Variants in MYH7B observed in about 807,000 individuals in gnomAD.
MYH7B encodes myosin-7B.
In MYH7B, 205 loss-of-function variants were observed where a neutral mutation model predicts 234.5. The ratio of observed to expected loss-of-function variants is 0.87; its 90% confidence interval spans 0.78 to 0.98. The LOEUF (loss-of-function observed/expected upper bound fraction) is 0.98, where lower values mean the gene tolerates loss of function less well. Among genes scored for constraint, MYH7B ranks in the 50% least tolerant of loss-of-function variants. The pLI, the probability that MYH7B is intolerant of heterozygous loss-of-function variation, is 0.00. For synonymous variants in MYH7B, 1,193 were observed against 1,105.0 expected, an observed-to-expected ratio of 1.08 and a Z score of -1.58; for missense variants, 2,652 against 2,633.4, an observed-to-expected ratio of 1.01 and a Z score of -0.15.
At chr20:34,990,302 C>A in exon 22 of MYH7B, 1 of 1,614,186 alleles carries the variant, frequency 6.2e-7, no homozygotes, top group South Asian at 1.1e-5. Flanking sequence ...GGTGTCCCAG[C>A]TGCACAAGGT....
chr20:34,992,341 G>C (rs8121403), intron 24 of MYH7B, among the ~76,000 whole-genome samples: 2 of 146,908 alleles, frequency 1.4e-5, no homozygotes, highest in South Asian at 2.2e-4. Flanking sequence ...AGCAGAGATC[G>C]TGCCACTGCA....
In MYH7B at chr20:34,978,109, A is replaced by G. The variant is rs1249801166; in HGVS notation, c.91+13A>G. The G allele has an allele frequency of 1.2e-6, 2 of 1,613,706 alleles. No individual in the cohort carries two copies. The highest frequency in any genetic ancestry group is 2.2e-5 in the East Asian group (1 of 44,892). On this transcript the variant is annotated intron_variant, in intron 5 of 44. Transcript: ENST00000262873. ...ATCCCATGGGACGGTAAGTGGAGAC[A>G]GAGGGGGAGGGGTCATAGCCACAGA...
intron 5 of MYH7B, among the ~76,000 whole-genome samples, chr20:34,979,160 C>T (rs2081901500): frequency 6.6e-6 from 1 of 152,162 alleles, no homozygotes; most frequent in Non-Finnish European, 1.5e-5. Context: ...GGAATTGGAA[C>T]CCAACCATTA....
chr20:34,984,547 G>A lies in MYH7B; in HGVS notation c.625-145G>A. The A allele has an allele frequency of 8.4e-6, 6 of 714,776 alleles. No homozygotes were observed. In the South Asian group the frequency reaches 1.0e-4, roughly 12 times the overall value. 44.3% of individuals were successfully genotyped at this position (714,776 alleles called of 1,614,324 possible). A position where few individuals can be genotyped will look rare whatever the true frequency, so the allele number is the denominator to read the frequency against. On this transcript the variant is annotated intron_variant, in intron 10 of 44. Coordinates refer to ENST00000262873, the Ensembl canonical transcript of MYH7B. ...ACAGCTGCAGGAGGGTCAGGCCGAG[G>A]GGCTGAGGGTGGGGGCCATGCATTC...
chr20:34,990,820 C>T lies in MYH7B; in HGVS notation c.2060C>T (p.Thr687Ile), dbSNP rs1377868921. Reference sequence around the variant, plus strand: ...TGCATTGTCCCCAACGAGAACAAAACCCCAGGTAGTCACCCAGGGCTGGCC... The same window carrying T: ...TGCATTGTCCCCAACGAGAACAAAATCCCAGGTAGTCACCCAGGGCTGGCC... Residue 687 changes from threonine to isoleucine, a missense_variant, in exon 23 of 45, where the codon ACC becomes ATC. By Grantham distance (89) the Thr-to-Ile change is moderately conservative. Around this residue, in one of 3 missense-constraint regions of MYH7B, gnomAD observed 2,279 missense variants for 2,211.4 expected, o/e 1.03. Transcript: ENST00000262873. 51 of 1,614,074 alleles carry T rather than the reference C, an allele frequency of 3.2e-5. No homozygotes were observed. The highest frequency in any genetic ancestry group is 4.1e-5 in the Non-Finnish European group (48 of 1,180,022).
intron 27 of MYH7B, among the ~76,000 whole-genome samples, 177 bp downstream of exon 27, chr20:34,994,578 G>A (rs372433127): frequency 3.9e-5 from 6 of 152,260 alleles, no homozygotes; most frequent in Admixed American, 1.3e-4. Flanking sequence ...CGTCTGGCAC[G>A]TTTCCTGGCA....
rs779838971 is a variant in MYH7B at position 34,989,994 on chromosome 20, C to T, written c.1768-20C>T. 7.5e-5 allele frequency: 121 copies of T among 1,613,720 alleles called. No homozygotes were observed. The highest frequency in any genetic ancestry group is 9.7e-5 in the Non-Finnish European group (115 of 1,179,874). ...CTCCAGGTCTCCCACCCGGGCTCAG[C>T]ACCTGACTTGTCTCTCCAGGTGCCT... is the stretch of plus-strand genomic sequence containing the variant. On this transcript the variant is annotated intron_variant, in intron 20 of 44. Transcript: ENST00000262873.
chr20:35,002,333 C>A, exon 45 of MYH7B: 1 of 879,018 alleles, frequency 1.1e-6, no homozygotes, highest in South Asian at 2.5e-5. Context: ...AGCCAGTTTC[C>A]TTCTCATTCT....
At chr20:34,998,694 G>A (rs201840606) in intron 34 of MYH7B, 25 bp from the exon 35 acceptor site, 304 of 1,611,542 alleles carry the variant, frequency 1.9e-4, no homozygotes, top group South Asian at 8.8e-5. Flanking sequence ...CTGCACTAAC[G>A]CTGAGGTCAC....
At position 34,997,464 on chromosome 20, in the gene MYH7B, CG is replaced by C; in HGVS notation, c.3573del (p.His1192ThrfsTer54). The C allele has an allele frequency of 6.7e-7, 1 of 1,502,002 alleles. No individual in the cohort carries two copies. The highest frequency in any genetic ancestry group is 2.6e-5 in the East Asian group (1 of 38,156). 93.0% of individuals were successfully genotyped at this position (1,502,002 alleles called of 1,614,324 possible). On this transcript the variant is annotated frameshift_variant, in exon 32 of 45. Transcript: ENST00000262873. LOFTEE classifies it high-confidence loss of function. ...GCGGGAGCTGGAGGAGGCGGCGCTGCGGCACGAGGCCACAGTGGCGGCACTG... is the reference window on the plus strand; with the variant it reads ...GCGGGAGCTGGAGGAGGCGGCGCTGCGCACGAGGCCACAGTGGCGGCACTG...
Position 34,997,183 on chromosome 20 carries a change from GA to G in MYH7B, c.3357+11del. 6.5e-7 allele frequency: 1 copy of G among 1,550,368 alleles called. No homozygotes were observed. The highest frequency in any genetic ancestry group is 8.7e-7 in the Non-Finnish European group (1 of 1,147,322). On this transcript the variant is annotated intron_variant, in intron 31 of 44. Transcript: ENST00000262873. ...GATCAAGGAGCTGCAGGTGCGTGGG[GA>G]TCGGGTGGGTGAGGCCTGGGGTCAG... is the stretch of plus-strand genomic sequence containing the variant.
rs75786730 is a variant in MYH7B, at chr20:34,970,488, G to A, written c.-221-4912G>A. ...TAGGGGCCCAAACAGAGGTGGACAC[G>A]AGAGATCATCAGGTGGCCCTGGTGA... On this transcript the variant is annotated intron_variant, in intron 2 of 44. Coordinates refer to ENST00000262873, the Ensembl canonical transcript of MYH7B. 4.5e-4 allele frequency among the ~76,000 whole-genome samples: 69 copies of A among 152,276 alleles called. No individual in the cohort carries two copies. In the East Asian group the frequency reaches 0.011, roughly 25 times the overall value.
exon 43 of MYH7B, chr20:35,001,500 A>G (rs1309400860): frequency 6.2e-7 from 1 of 1,609,946 alleles, no homozygotes; most frequent in South Asian, 1.1e-5. Flanking sequence ...CAAGGTCAAG[A>G]GCTACAAGCG....
At chr20:34,960,137 CA>C (rs1483567833) in intron 2 of MYH7B, among the ~76,000 whole-genome samples, 3 of 152,224 alleles carry the variant, frequency 2.0e-5, no homozygotes, top group African/African-American at 7.2e-5. Flanking sequence ...AAAAGGTATG[CA>C]GGGATGTACT....
At chr20:35,000,163 A>G (rs1452123113) in intron 38 of MYH7B, 130 bp from the exon 39 acceptor site, 1 of 1,199,730 alleles carries the variant, frequency 8.3e-7, no homozygotes, top group East Asian at 2.3e-5. Context: ...AGGCAGTCAC[A>G]AGAGACTTTA....
In MYH7B at chr20:35,002,088, G is replaced by A. The variant is rs1391455691; in HGVS notation, c.5814+3G>A. The stretch of plus-strand genomic sequence containing the variant: ...CCCGGGACGCCCTGGGCCCCAAGGT[G>A]AGGAGTGGCAGGGGCATTGCTCTCT... On this transcript the variant is annotated splice_donor_region_variant and intron_variant, in intron 44 of 44. Coordinates refer to ENST00000262873, the Ensembl canonical transcript of MYH7B. The A allele has an allele frequency of 1.2e-6, 2 of 1,613,496 alleles. No individual in the cohort carries two copies. The highest frequency in any genetic ancestry group is 2.7e-5 in the African/African-American group (2 of 74,896).
chr20:35,002,196 AC>A (rs750164370), exon 45 of MYH7B: 3 of 1,523,226 alleles, frequency 2.0e-6, no homozygotes, highest in East Asian at 2.3e-5. Context: ...TGACGGCCTG[AC>A]CCCCTGGGCT....
chr20:34,990,428 T>A, intron 22 of MYH7B, 118 bp downstream of exon 22: 1 of 1,072,772 alleles, frequency 9.3e-7, no homozygotes, highest in Non-Finnish European at 1.5e-6. Context: ...CAGTGATGTT[T>A]AACTCCTCTC....
exon 40 of MYH7B, chr20:35,000,841 C>T: frequency 6.2e-7 from 1 of 1,613,844 alleles, no homozygotes; most frequent in Non-Finnish European, 8.5e-7. Context: ...GTGGAGGAGG[C>T]TGCACAGGAG....
Sources: gnomAD v4.1 joint callset for allele counts (sites outside exome capture counted in the v4.1 genomes callset) on GRCh38, gnomAD v4.1.1 for gene constraint, gnomAD v4.1.1 regional missense constraint, MANE v1.5 for transcripts, NCBI Gene and HGNC (gene_info 2026-07-23, HGNC 2026-07-21) for gene names.